CDH18: variants seen among roughly 807,000 people sequenced by gnomAD.
CDH18 encodes cadherin-18.
Under a neutral mutation model 67.9 loss-of-function variants are expected in CDH18, and 31 were observed. That is an observed-to-expected ratio of 0.46 (90% confidence interval 0.34 to 0.62). The LOEUF (loss-of-function observed/expected upper bound fraction) is 0.62. Ranked by LOEUF, CDH18 falls within the 20% of genes least tolerant of loss-of-function variation. The pLI is 0.01. For missense variants in CDH18, 890 were observed against 975.5 expected (o/e 0.91, Z 1.17); for synonymous variants, 362 against 347.2 (o/e 1.04, Z -0.48).
chr5:20,528,589 T>C (rs1756209857), intron 1 of CDH18, among the ~76,000 whole-genome samples: 1 of 151,964 alleles, frequency 6.6e-6, no homozygotes. Context: ...GGACTCAAGA[T>C]TAAGAAACCC....
intron 7 of CDH18, among the ~76,000 whole-genome samples, chr5:19,587,274 AT>A (rs1275676361): frequency 5.9e-5 from 9 of 152,248 alleles, no homozygotes; most frequent in Middle Eastern, 3.4e-3. Context: ...AAAACCTGCA[AT>A]TACTTTTGCA....
intron 2 of CDH18, among the ~76,000 whole-genome samples, chr5:20,198,944 A>G (rs965116612): frequency 1.3e-5 from 2 of 152,224 alleles, no homozygotes; most frequent in African/African-American, 4.8e-5. Context: ...AGTGCACAGA[A>G]GACAATAATT....
intron 2 of CDH18, among the ~76,000 whole-genome samples, chr5:19,912,259 AAG>A (rs1221922567): frequency 1.3e-5 from 2 of 152,138 alleles, no homozygotes; most frequent in African/African-American, 4.8e-5. Flanking sequence ...GGGGCTAAGG[AAG>A]AGAGGTGTGT....
chr5:20,159,587 C>A (rs372790811), intron 2 of CDH18, among the ~76,000 whole-genome samples: 4 of 152,108 alleles, frequency 2.6e-5, no homozygotes, highest in East Asian at 3.9e-4. Flanking sequence ...ATTTTATTGT[C>A]TTTTCTTGTT....
intron 3 of CDH18, among the ~76,000 whole-genome samples, chr5:19,803,485 T>C (rs1322602744): frequency 6.6e-6 from 1 of 152,162 alleles, no homozygotes; most frequent in Non-Finnish European, 1.5e-5. Flanking sequence ...TAGTCACATG[T>C]AGCTAGTGAC....
At chr5:19,633,733 G>C (rs1366328857) in intron 5 of CDH18, among the ~76,000 whole-genome samples, 1 of 151,850 alleles carries the variant, frequency 6.6e-6, no homozygotes, top group African/African-American at 2.4e-5. Flanking sequence ...AGGCTCAAGC[G>C]ATCCTCCCAC....
chr5:19,964,715 A>G (rs1232654470), intron 2 of CDH18, among the ~76,000 whole-genome samples: 1 of 149,258 alleles, frequency 6.7e-6, no homozygotes, highest in African/African-American at 2.6e-5. Flanking sequence ...ATAATATGGA[A>G]CTATGTATTT....
chr5:20,421,550 T>G (rs1343533854), intron 1 of CDH18, among the ~76,000 whole-genome samples: 1 of 151,156 alleles, frequency 6.6e-6, no homozygotes, highest in Non-Finnish European at 1.5e-5. Flanking sequence ...GATAAAGTTC[T>G]ATTTTGAAAT....
chr5:20,014,203 C>A (rs889326112), intron 2 of CDH18, among the ~76,000 whole-genome samples: 1 of 152,038 alleles, frequency 6.6e-6, no homozygotes, highest in African/African-American at 2.4e-5. Context: ...CAAGAAAAGT[C>A]TTTGTGCTAG....
chr5:20,527,195 G>C (rs1459174802), intron 1 of CDH18, among the ~76,000 whole-genome samples: 1 of 151,624 alleles, frequency 6.6e-6, no homozygotes, highest in Non-Finnish European at 1.5e-5. Flanking sequence ...AATAAGGCAG[G>C]CAGACAAGAC....
rs560141098 is a variant in CDH18, at chr5:20,028,103, A to ATT, written c.-517-36091_-517-36090dup. Among the ~76,000 whole-genome samples, 2,629 of 144,474 alleles carry ATT rather than the reference A, an allele frequency of 0.018. 172 individuals carry two copies. In the East Asian group the frequency reaches 0.25, roughly 14 times the overall value. 94.8% of individuals were successfully genotyped at this position (144,474 alleles called of 152,430 possible). ...TTATTGACCATAAAAACAACTTTCT[A>ATT]TTTTTTTTTTTTGCAAACATAATTG... On this transcript the variant is annotated intron_variant, in intron 2 of 14. Coordinates refer to the CDH18 transcript ENST00000507958.
intron 2 of CDH18, among the ~76,000 whole-genome samples, chr5:20,237,531 A>T (rs2126530829): frequency 6.6e-6 from 1 of 152,080 alleles, no homozygotes; most frequent in East Asian, 1.9e-4. Context: ...ATCAACAAAG[A>T]CTCAGAACAC....
At chr5:20,296,497 G>A (rs1014733059) in intron 1 of CDH18, among the ~76,000 whole-genome samples, 7 of 151,810 alleles carry the variant, frequency 4.6e-5, no homozygotes, top group African/African-American at 1.5e-4. Context: ...TCCTGACCTC[G>A]TGATCTGCCC....
chr5:20,049,164 G>A (rs1258417867), intron 2 of CDH18, among the ~76,000 whole-genome samples: 1 of 151,694 alleles, frequency 6.6e-6, no homozygotes, highest in Non-Finnish European at 1.5e-5. Context: ...AATAACAGAT[G>A]TACCTAAAAG....
At chr5:20,427,362 TA>T (rs937437508) in intron 1 of CDH18, among the ~76,000 whole-genome samples, 6 of 151,290 alleles carry the variant, frequency 4.0e-5, no homozygotes, top group Non-Finnish European at 8.8e-5. Flanking sequence ...CCAGGGCTAA[TA>T]GAATAAACAT....
intron 2 of CDH18, among the ~76,000 whole-genome samples, chr5:20,032,769 T>C (rs1739515737): frequency 6.6e-6 from 1 of 152,020 alleles, no homozygotes; most frequent in South Asian, 2.1e-4. Flanking sequence ...CTCATTTCAA[T>C]AGAACATTTT....
intron 1 of CDH18, among the ~76,000 whole-genome samples, chr5:20,486,714 T>TATAC (rs1753210417): frequency 2.0e-5 from 3 of 148,310 alleles, no homozygotes; most frequent in Admixed American, 1.3e-4. Context: ...TATGTGTGTG[T>TATAC]GTGTATGTGT....
At chr5:20,563,567 C>T (rs1310661237) in intron 1 of CDH18, among the ~76,000 whole-genome samples, 2 of 151,896 alleles carry the variant, frequency 1.3e-5, no homozygotes, top group Non-Finnish European at 2.9e-5. Context: ...TTTTATTATA[C>T]TTTAAGTTCT....
At chr5:19,997,139 T>A (rs1406568436) in intron 2 of CDH18, among the ~76,000 whole-genome samples, 1 of 151,930 alleles carries the variant, frequency 6.6e-6, no homozygotes, top group African/African-American at 2.4e-5. Context: ...TTGAGGTAGG[T>A]TTTAAATAAT....
Sources: gnomAD v4.1 joint callset for allele counts (sites outside exome capture counted in the v4.1 genomes callset) on GRCh38, gnomAD v4.1.1 for gene constraint, MANE v1.5 for transcripts, NCBI Gene and HGNC (gene_info 2026-07-23, HGNC 2026-07-21) for gene names.